GRIN2B: variants seen among roughly 807,000 people sequenced by gnomAD.
The protein encoded by GRIN2B is glutamate receptor ionotropic, NMDA 2B.
Under a neutral mutation model 114.5 loss-of-function variants are expected in GRIN2B, and 5 were observed. The observed-to-expected ratio is 0.04, with a 90% CI of 0.02 to 0.09. GRIN2B has a LOEUF of 0.09. Among genes scored for constraint, GRIN2B ranks in the 10% least tolerant of loss-of-function variants. The pLI is 1.00. For synonymous variants in GRIN2B, 787 were observed against 745.1 expected, an observed-to-expected ratio of 1.06 and a Z score of -0.92; for missense variants, 1,108 against 1,943.5, an observed-to-expected ratio of 0.57 and a Z score of 8.08.
intron 4 of GRIN2B, among the ~76,000 whole-genome samples, chr12:13,678,288 C>T (rs148676885): frequency 0.011 from 1,622 of 152,210 alleles, 53 homozygotes; most frequent in Admixed American, 0.062. Context: ...ACTGGATTGT[C>T]CTTGTATGTA....
intron 3 of GRIN2B, among the ~76,000 whole-genome samples, chr12:13,826,571 T>C (rs7305084): frequency 0.022 from 3,377 of 152,256 alleles, 142 homozygotes; most frequent in African/African-American, 0.077. Context: ...CTTATGGCTG[T>C]TTTTAATATT....
At chr12:13,826,411 C>T (rs986107840) in intron 3 of GRIN2B, among the ~76,000 whole-genome samples, 6 of 152,092 alleles carry the variant, frequency 3.9e-5, no homozygotes, top group Non-Finnish European at 8.8e-5. Flanking sequence ...GCGGAGGTTG[C>T]GGTGAGCCGA....
At chr12:13,865,503 G>C (rs940208324) in intron 3 of GRIN2B, among the ~76,000 whole-genome samples, 1 of 151,752 alleles carries the variant, frequency 6.6e-6, no homozygotes, top group Non-Finnish European at 1.5e-5. Context: ...GTGGTGGCAG[G>C]CGCCTGTAAT....
intron 10 of GRIN2B, among the ~76,000 whole-genome samples, chr12:13,608,207 G>A (rs1949313762): frequency 6.6e-6 from 1 of 152,166 alleles, no homozygotes; most frequent in African/African-American, 2.4e-5. Flanking sequence ...AAACACCACT[G>A]GGAAGAAAAG....
chr12:13,691,817 C>A (rs1403502384), intron 4 of GRIN2B, among the ~76,000 whole-genome samples: 1 of 152,122 alleles, frequency 6.6e-6, no homozygotes, highest in African/African-American at 2.4e-5. Flanking sequence ...GTACAGAGAA[C>A]TGCCAAAATA....
chr12:13,634,756 C>A (rs1054495478), intron 5 of GRIN2B, among the ~76,000 whole-genome samples: 1 of 152,158 alleles, frequency 6.6e-6, no homozygotes, highest in African/African-American at 2.4e-5. Context: ...GTGTGTGAGG[C>A]TGGGGGACAG....
chr12:13,874,531 C>T (rs1232483407), intron 2 of GRIN2B, among the ~76,000 whole-genome samples: 1 of 152,206 alleles, frequency 6.6e-6, no homozygotes, highest in Non-Finnish European at 1.5e-5. Flanking sequence ...CAAAGTTCCT[C>T]TCCTAATATC....
intron 4 of GRIN2B, among the ~76,000 whole-genome samples, chr12:13,741,377 T>G (rs890814304): frequency 2.6e-5 from 4 of 152,152 alleles, no homozygotes. Flanking sequence ...GTTAATGATA[T>G]GTTTATATAC....
intron 3 of GRIN2B, among the ~76,000 whole-genome samples, chr12:13,845,230 C>T (rs1049032458): frequency 2.0e-5 from 3 of 152,092 alleles, no homozygotes; most frequent in Non-Finnish European, 4.4e-5. Context: ...TGTCTGCCTA[C>T]GATTATCAGA....
At chr12:13,838,887 G>A (rs1207054625) in intron 3 of GRIN2B, among the ~76,000 whole-genome samples, 4 of 152,134 alleles carry the variant, frequency 2.6e-5, no homozygotes, top group African/African-American at 4.8e-5. Context: ...CCCCTCTTAC[G>A]TATTATTCCA....
intron 5 of GRIN2B, among the ~76,000 whole-genome samples, chr12:13,674,167 C>T (rs1472878834): frequency 2.6e-5 from 4 of 151,918 alleles, no homozygotes; most frequent in Non-Finnish European, 5.9e-5. Context: ...CAAGACCAGC[C>T]TGGGCAACAT....
rs529194519 is a variant in GRIN2B, at chr12:13,666,838, G to T, written c.1125+8907C>A. 9.2e-5 allele frequency among the ~76,000 whole-genome samples: 14 copies of T among 152,266 alleles called. No individual in the cohort carries two copies. The South Asian group carries it at 2.5e-3, about 27-fold the overall frequency. On this transcript the variant is annotated intron_variant, in intron 5 of 13. Coordinates refer to ENST00000609686, the MANE Select transcript of GRIN2B (RefSeq NM_000834.5). Reference sequence around the variant, plus strand: ...AATAAAGGCATGTTTGCATATGAAGGACAATCAGGTATTTTAGCTTTAATG... The same window carrying T: ...AATAAAGGCATGTTTGCATATGAAGTACAATCAGGTATTTTAGCTTTAATG...
At chr12:13,946,409 A>G (rs1304065750) in intron 2 of GRIN2B, among the ~76,000 whole-genome samples, 1 of 152,000 alleles carries the variant, frequency 6.6e-6, no homozygotes. Flanking sequence ...TATACATTTG[A>G]TATCATTCCT....
At chr12:13,623,873 C>G (rs936449791) in intron 5 of GRIN2B, among the ~76,000 whole-genome samples, 4 of 152,144 alleles carry the variant, frequency 2.6e-5, no homozygotes, top group African/African-American at 7.2e-5. Flanking sequence ...CCAAAGTGTT[C>G]TTCTTTGGTA....
chr12:13,788,127 G>C (rs1864250257), intron 3 of GRIN2B, among the ~76,000 whole-genome samples: 3 of 152,204 alleles, frequency 2.0e-5, no homozygotes, highest in Non-Finnish European at 4.4e-5. Context: ...GTGGCAGGTA[G>C]AGGGAGGCTC....
rs1865921905 is a variant in GRIN2B at position 13,872,200 on chromosome 12, A to T, written c.-18-5974T>A. ...TCCACTTATGGACATAAAGGAAAAAAAAAACCTTAAAAATTAGTGGCCAGG... is the reference window on the plus strand; with the variant it reads ...TCCACTTATGGACATAAAGGAAAAATAAAACCTTAAAAATTAGTGGCCAGG... On this transcript the variant is annotated intron_variant, in intron 2 of 13. Coordinates refer to ENST00000609686, the MANE Select transcript of GRIN2B (RefSeq NM_000834.5). 2.0e-5 allele frequency among the ~76,000 whole-genome samples: 3 copies of T among 152,118 alleles called. No homozygotes were observed. The South Asian group carries it at 6.2e-4, about 31-fold the overall frequency.
intron 4 of GRIN2B, among the ~76,000 whole-genome samples, chr12:13,678,823 A>G (rs1194232266): frequency 6.6e-6 from 1 of 152,184 alleles, no homozygotes; most frequent in African/African-American, 2.4e-5. Flanking sequence ...GATATTTTAA[A>G]CCAACAAACT....
intron 4 of GRIN2B, among the ~76,000 whole-genome samples, chr12:13,733,296 G>GTT (rs5796558): frequency 6.8e-6 from 1 of 146,700 alleles, no homozygotes; most frequent in African/African-American, 2.5e-5. Context: ...ATGGTTTCAA[G>GTT]TTTTTTTTTT....
chr12:13,902,609 G>C (rs185846975), intron 2 of GRIN2B, among the ~76,000 whole-genome samples: 1 of 152,058 alleles, frequency 6.6e-6, no homozygotes, highest in Non-Finnish European at 1.5e-5. Context: ...TCGAGAATTC[G>C]AGACCAGCCT....
Sources: allele counts gnomAD v4.1 joint callset (sites outside exome capture counted in the v4.1 genomes callset), GRCh38; gene constraint gnomAD v4.1.1; transcripts MANE v1.5; gene names NCBI Gene and HGNC (gene_info 2026-07-23, HGNC 2026-07-21).